Variants in WWP1 observed in about 807,000 individuals in gnomAD.
WWP1 encodes NEDD4-like E3 ubiquitin-protein ligase WWP1.
A neutral mutation model predicts 130.6 loss-of-function variants in WWP1; 49 were observed. The observed-to-expected ratio is 0.38, with a 90% confidence interval of 0.30 to 0.48. The LOEUF is 0.48. Among genes scored for constraint, WWP1 ranks in the 20% least tolerant of loss-of-function variants. The pLI is 0.99. For missense variants in WWP1, 809 were observed against 1,100.6 expected (o/e 0.74, Z 3.75); for synonymous variants, 332 against 367.8 (o/e 0.90, Z 1.11).
intron 16 of WWP1, 117 bp from the exon 17 acceptor site, chr8:86,438,468 C>A: frequency 1.4e-6 from 1 of 722,558 alleles, no homozygotes; most frequent in East Asian, 2.9e-5. Context: ...GAGTTAAAAG[C>A]ATTGTATAAG....
intron 8 of WWP1, among the ~76,000 whole-genome samples, chr8:86,405,326 A>ATTTTTTTTTTTTTTTTT (rs35346142): frequency 7.8e-6 from 1 of 128,916 alleles, no homozygotes; most frequent in African/African-American, 2.9e-5. Context: ...AACCAAAAGG[A>ATTTTTTTTTTTTTTTTT]TTTTTTTTTT....
At chr8:86,375,210 G>C (rs1431849977) in intron 3 of WWP1, among the ~76,000 whole-genome samples, 6 of 152,032 alleles carry the variant, frequency 3.9e-5, no homozygotes, top group Admixed American at 3.9e-4. Context: ...CCTTTAGGAC[G>C]TATAATCAAA....
intron 1 of WWP1, among the ~76,000 whole-genome samples, chr8:86,366,329 A>G (rs1363603845): frequency 6.6e-6 from 1 of 152,196 alleles, no homozygotes; most frequent in Non-Finnish European, 1.5e-5. Flanking sequence ...GTATGATGGC[A>G]TGGGGATGAT....
At chr8:86,353,230 TGTTA>T (rs1161664615) in intron 1 of WWP1, among the ~76,000 whole-genome samples, 1 of 111,520 alleles carries the variant, frequency 9.0e-6, no homozygotes, top group African/African-American at 2.9e-5. Flanking sequence ...AATCTCTAAC[TGTTA>T]TTTAGGGCCA....
chr8:86,389,945 G>T (rs1248106424), intron 5 of WWP1, among the ~76,000 whole-genome samples: 1 of 151,860 alleles, frequency 6.6e-6, no homozygotes, highest in African/African-American at 2.4e-5. Flanking sequence ...GGACGGGGCG[G>T]CTGCCAGGCG....
intron 1 of WWP1, among the ~76,000 whole-genome samples, chr8:86,366,865 T>G (rs1018401513): frequency 2.6e-5 from 4 of 152,196 alleles, no homozygotes; most frequent in African/African-American, 9.7e-5. Context: ...CCAGTATTTC[T>G]ATGTAGAAGT....
At chr8:86,400,518 A>G (rs530520789) in intron 7 of WWP1, among the ~76,000 whole-genome samples, 199 of 152,236 alleles carry the variant, frequency 1.3e-3, no homozygotes, top group African/African-American at 4.6e-3. Context: ...GCTAAGATTA[A>G]TAAGCCACAA....
intron 9 of WWP1, among the ~76,000 whole-genome samples, chr8:86,414,662 A>C (rs573817652): frequency 6.6e-6 from 1 of 152,122 alleles, no homozygotes; most frequent in African/African-American, 2.4e-5. Context: ...GGGTGCCTCA[A>C]TCCTGTTGAT....
At chr8:86,461,118 T>C (rs1811747547) in intron 22 of WWP1, 106 bp from the exon 23 acceptor site, 1 of 1,076,084 alleles carries the variant, frequency 9.3e-7, no homozygotes, top group Non-Finnish European at 1.4e-6. Context: ...CTTTAGCACA[T>C]CTTTTGAACC....
In WWP1 at chr8:86,461,799, C is replaced by A. The variant is rs757674502; in HGVS notation, c.2622C>A (p.Cys874Ter). Residue 874 changes from cysteine (C) to a stop codon, truncating the protein, a stop_gained, in exon 24 of 25, where the codon TGC (cysteine) becomes TGA (stop). Transcript: ENST00000517970. LOFTEE classifies it high-confidence loss of function. Reference protein sequence around the residue: ...LMGSNGPQKFCIEKVGKDTWL... With the variant: ...LMGSNGPQKF ...GAAGTAATGGGCCTCAAAAGTTTTG[C>A]ATTGAAAAAGTTGGCAAAGACACTT... The A allele has an allele frequency of 5.6e-6, 9 of 1,613,886 alleles. No individual in the cohort carries two copies. The highest frequency in any genetic ancestry group is 7.6e-6 in the Non-Finnish European group (9 of 1,179,914).
At chr8:86,447,934 T>C (rs1238014525) in intron 18 of WWP1, among the ~76,000 whole-genome samples, 2 of 152,234 alleles carry the variant, frequency 1.3e-5, no homozygotes, top group Admixed American at 6.5e-5. Context: ...GTTTTTGATA[T>C]ATGTTATATA....
chr8:86,392,483 A>G (rs1807404675), intron 5 of WWP1, among the ~76,000 whole-genome samples: 1 of 152,214 alleles, frequency 6.6e-6, no homozygotes, highest in Non-Finnish European at 1.5e-5. Context: ...TAATAGAACC[A>G]AGAACTTAGT....
intron 3 of WWP1, among the ~76,000 whole-genome samples, chr8:86,377,410 T>C (rs1368403068): frequency 6.6e-6 from 1 of 152,154 alleles, no homozygotes; most frequent in Non-Finnish European, 1.5e-5. Flanking sequence ...TCTTTTCTTT[T>C]TAAAAACAGT....
chr8:86,411,811 A>G lies in WWP1; in HGVS notation c.998A>G (p.Asp333Gly), dbSNP rs761290731. ...GAAGCAGCCAAATCAAGACAGCCAG[A>G]TGGGTGTATGGATCCTGTACGGCAG... ...AFEAAKSRQP[D>G]GCMDPVRQQS... The change falls in exon 9 of 25, where the codon GAT becomes GGT. Residue 333 changes from aspartate (D) to glycine (G), a missense_variant. Asp to Gly is a moderately conservative substitution (Grantham distance 94). This residue lies in a region of WWP1 where 97 missense variants were observed against 80.4 expected (regional missense o/e 1.21). Coordinates refer to ENST00000517970, the MANE Select transcript of WWP1 (RefSeq NM_007013.4). The G allele has an allele frequency of 1.2e-6, 2 of 1,614,114 alleles. No individual in the cohort carries two copies. Among genetic ancestry groups the G allele is most frequent in the Admixed American group, 3.3e-5 (2 of 60,026 alleles).
At chr8:86,441,815 A>G (rs1467353500) in intron 17 of WWP1, among the ~76,000 whole-genome samples, 1 of 152,202 alleles carries the variant, frequency 6.6e-6, no homozygotes, top group African/African-American at 2.4e-5. Flanking sequence ...TAGAGAAGGA[A>G]TCCCCTTGTA....
chr8:86,459,125 G>A (rs1456751619), intron 22 of WWP1, among the ~76,000 whole-genome samples: 1 of 141,154 alleles, frequency 7.1e-6, no homozygotes, highest in Non-Finnish European at 1.5e-5. Flanking sequence ...TGCCTCCCAG[G>A]TTCAAGTGAT....
At chr8:86,369,950 A>G (rs1226963400) in intron 2 of WWP1, among the ~76,000 whole-genome samples, 1 of 152,188 alleles carries the variant, frequency 6.6e-6, no homozygotes, top group Non-Finnish European at 1.5e-5. Flanking sequence ...ATAATATGTA[A>G]CATATGCAAG....
At chr8:86,369,219 G>A (rs1824147773) in intron 2 of WWP1, among the ~76,000 whole-genome samples, 188 bp downstream of exon 2, 1 of 152,128 alleles carries the variant, frequency 6.6e-6, no homozygotes, top group Non-Finnish European at 1.5e-5. Flanking sequence ...CTCACACAGT[G>A]TTACTGTAAT....
intron 18 of WWP1, among the ~76,000 whole-genome samples, chr8:86,447,489 ATCTTCTAACC>A (rs1342043799): frequency 6.6e-6 from 1 of 152,046 alleles, no homozygotes; most frequent in Non-Finnish European, 1.5e-5. Context: ...GATGGTCTTG[ATCTTCTAACC>A]TCATGATCCA....
Sources: allele counts gnomAD v4.1 joint callset (sites outside exome capture counted in the v4.1 genomes callset), GRCh38; gene constraint gnomAD v4.1.1; regional missense constraint gnomAD v4.1.1; transcripts MANE v1.5; gene names NCBI Gene and HGNC (gene_info 2026-07-23, HGNC 2026-07-21).